The following IGSF5 variants were observed in gnomAD, a reference collection of about 807,000 sequenced individuals.
The protein encoded by IGSF5 is immunoglobulin superfamily 5 like.
In IGSF5, 41 loss-of-function variants were observed where a neutral mutation model predicts 39.4. That is an observed-to-expected ratio of 1.04 (90% CI 0.81 to 1.35). The LOEUF (loss-of-function observed/expected upper bound fraction) is 1.35, where lower values mean the gene tolerates loss of function less well. Ranked by LOEUF, IGSF5 falls within the 40% of genes most tolerant of loss-of-function variation. IGSF5 has a pLI of 0.00. For synonymous variants in IGSF5, 183 were observed against 175.3 expected (o/e 1.04, Z -0.34); for missense variants, 487 against 494.6 (o/e 0.98, Z 0.15).
chr21:39,719,399 T>G, the IGSF5 span, among the ~76,000 whole-genome samples: 1 of 152,026 alleles, frequency 6.6e-6, no homozygotes, highest in South Asian at 2.1e-4. Context: ...ATATGTGCTC[T>G]CTGTGTGTTG....
chr21:39,768,235 C>T (rs2080096087), intron 3 of IGSF5, among the ~76,000 whole-genome samples: 1 of 151,604 alleles, frequency 6.6e-6, no homozygotes, highest in South Asian at 2.1e-4. Flanking sequence ...CACTTAGTTC[C>T]TAGAGGAGCA....
chr21:39,739,159 A>C, the IGSF5 span, among the ~76,000 whole-genome samples: 1 of 151,310 alleles, frequency 6.6e-6, no homozygotes, highest in Admixed American at 6.6e-5. Context: ...TGAACTCCTG[A>C]CCTCAAGTGA....
intron 2 of IGSF5, among the ~76,000 whole-genome samples, chr21:39,760,701 G>T (rs2080057261): frequency 6.6e-6 from 1 of 152,054 alleles, no homozygotes; most frequent in African/African-American, 2.4e-5. Context: ...CTCCCGAGTA[G>T]CTGGGACTAC....
intron 6 of IGSF5, among the ~76,000 whole-genome samples, chr21:39,789,920 G>A (rs781710660): frequency 1.3e-5 from 2 of 152,140 alleles, no homozygotes; most frequent in African/African-American, 2.4e-5. Flanking sequence ...CATTTTTGTA[G>A]TATTTGTTTG....
In IGSF5 at chr21:39,793,623, A is replaced by ACCATT; in HGVS notation, c.1128+11_1128+15dup. On this transcript the variant is annotated intron_variant, in intron 8 of 8. Transcript: ENST00000380588. The stretch of plus-strand genomic sequence containing the variant: ...TGGCCCTCCTCACCAGGTAGTTTAG[A>ACCATT]CCATTTTCCCCCTTTTTGGACTTTT... 1 of 1,609,610 alleles carries ACCATT rather than the reference A, an allele frequency of 6.2e-7. No homozygotes were observed. Among genetic ancestry groups the ACCATT allele is most frequent in the Non-Finnish European group, 8.5e-7 (1 of 1,177,012 alleles).
At chr21:39,800,263 G>A (rs1037661060) in intron 8 of IGSF5, among the ~76,000 whole-genome samples, 14 of 152,080 alleles carry the variant, frequency 9.2e-5, no homozygotes, top group African/African-American at 3.4e-4. Context: ...TTTCCTGGCT[G>A]TTTTAGGAAA....
At chr21:39,715,661 A>G in the IGSF5 span, among the ~76,000 whole-genome samples, 1 of 152,254 alleles carries the variant, frequency 6.6e-6, no homozygotes, top group African/African-American at 2.4e-5. Flanking sequence ...AAATAAGAAA[A>G]TAGATCCTTG....
upstream of IGSF5, among the ~76,000 whole-genome samples, chr21:39,741,312 C>T (rs913318639): frequency 1.1e-4 from 16 of 152,120 alleles, no homozygotes; most frequent in Admixed American, 3.3e-4. Context: ...AATCCATATT[C>T]GGCAGAAACC....
chr21:39,764,248 G>A (rs894349575), intron 2 of IGSF5, among the ~76,000 whole-genome samples: 6 of 152,130 alleles, frequency 3.9e-5, no homozygotes, highest in African/African-American at 1.4e-4. Flanking sequence ...AATGTGCCTG[G>A]GTACACAGGT....
chr21:39,800,206 C>T (rs2087021031), intron 8 of IGSF5, among the ~76,000 whole-genome samples: 1 of 152,094 alleles, frequency 6.6e-6, no homozygotes, highest in Admixed American at 6.5e-5. Flanking sequence ...ACAAAGAATC[C>T]TCCTTTTCCT....
chr21:39,756,425 G>A (rs1417329672), intron 2 of IGSF5, among the ~76,000 whole-genome samples: 2 of 152,198 alleles, frequency 1.3e-5, no homozygotes, highest in Admixed American at 6.5e-5. Context: ...TGTGGGGTCT[G>A]CCTTCTAGGG....
At chr21:39,719,316 T>C in the IGSF5 span, among the ~76,000 whole-genome samples, 1 of 152,228 alleles carries the variant, frequency 6.6e-6, no homozygotes, top group African/African-American at 2.4e-5. Flanking sequence ...TCCACCTGAC[T>C]GTAAGCTCCA....
At chr21:39,743,050 C>T (rs572175777), upstream of IGSF5, among the ~76,000 whole-genome samples, 6 of 152,260 alleles carry the variant, frequency 3.9e-5, no homozygotes, top group Non-Finnish European at 8.8e-5. Context: ...TCTTCCTTTC[C>T]CTATGCTATA....
At chr21:39,729,489 CTT>C in the IGSF5 span, 1 of 152,318 alleles carries the variant, frequency 6.6e-6, no homozygotes, top group South Asian at 2.1e-4. Context: ...ACGGGGCACT[CTT>C]TGCCTTTGAC....
chr21:39,774,756 G>A (rs900003576), intron 4 of IGSF5, among the ~76,000 whole-genome samples: 2 of 152,164 alleles, frequency 1.3e-5, no homozygotes, highest in African/African-American at 4.8e-5. Flanking sequence ...ATGTTTTTAG[G>A]ACACATGAGC....
chr21:39,788,854 A>G lies in IGSF5; in HGVS notation c.956+666A>G, dbSNP rs1365127727. Reference sequence around the variant, plus strand: ...TAGACAGACGTTGTTTGTTGTGGGTAATATAACAACACATGTAGTTATCAG... The same window carrying G: ...TAGACAGACGTTGTTTGTTGTGGGTGATATAACAACACATGTAGTTATCAG... On this transcript the variant is annotated intron_variant, in intron 6 of 8. Coordinates refer to ENST00000380588, the MANE Select transcript of IGSF5 (RefSeq NM_001080444.2). 2.6e-5 allele frequency among the ~76,000 whole-genome samples: 4 copies of G among 152,222 alleles called. 1 individual carries two copies. The highest frequency in any genetic ancestry group is 2.6e-4 in the Admixed American group (4 of 15,282).
the IGSF5 span, among the ~76,000 whole-genome samples, chr21:39,720,539 C>G: frequency 4.6e-5 from 7 of 152,112 alleles, no homozygotes; most frequent in Non-Finnish European, 8.8e-5. Context: ...AAACATTCAA[C>G]AGGAAACTTG....
the IGSF5 span, among the ~76,000 whole-genome samples, chr21:39,715,989 C>T: frequency 6.6e-6 from 1 of 152,292 alleles, no homozygotes; most frequent in African/African-American, 2.4e-5. Flanking sequence ...TGCAGTGCCA[C>T]CTGGCGGTTA....
chr21:39,741,165 G>A (rs2079947210), upstream of IGSF5, among the ~76,000 whole-genome samples: 1 of 152,086 alleles, frequency 6.6e-6, no homozygotes, highest in Non-Finnish European at 1.5e-5. Flanking sequence ...GCTTAGCACT[G>A]GGGCTTGCAT....
Sources: allele counts gnomAD v4.1 joint callset (sites outside exome capture counted in the v4.1 genomes callset), GRCh38; gene constraint gnomAD v4.1.1; transcripts MANE v1.5; gene names NCBI Gene and HGNC (gene_info 2026-07-23, HGNC 2026-07-21).